GRIK2: variants seen among roughly 807,000 people sequenced by gnomAD.
The protein encoded by GRIK2 is glutamate ionotropic receptor kainate type subunit 2.
GRIK2 carries 32 observed loss-of-function variants against 100.3 expected under a neutral mutation model. The observed-to-expected ratio is 0.32, with a 90% confidence interval of 0.24 to 0.43. The LOEUF (loss-of-function observed/expected upper bound fraction) is 0.43, where lower values mean the gene tolerates loss of function less well. Ranked by LOEUF, GRIK2 falls within the 20% of genes least tolerant of loss-of-function variation. The pLI, the probability that GRIK2 is intolerant of heterozygous loss-of-function variation, is 1.00. For missense variants in GRIK2, 843 were observed against 1,114.9 expected, an observed-to-expected ratio of 0.76 and a Z score of 3.47; for synonymous variants, 417 against 389.4, an observed-to-expected ratio of 1.07 and a Z score of -0.83.
At chr6:101,556,333 T>C (rs1776743430) in intron 2 of GRIK2, among the ~76,000 whole-genome samples, 1 of 68,886 alleles carries the variant, frequency 1.5e-5, no homozygotes, top group East Asian at 4.5e-4. Flanking sequence ...TTTTTTTTTT[T>C]TTTTTTTTTT....
chr6:101,895,744 A>G (rs1432801454), intron 12 of GRIK2, among the ~76,000 whole-genome samples: 1 of 151,782 alleles, frequency 6.6e-6, no homozygotes, highest in Non-Finnish European at 1.5e-5. Context: ...AACTTTCCAT[A>G]ACATAACTTT....
intron 14 of GRIK2, among the ~76,000 whole-genome samples, chr6:101,938,540 C>T (rs1291742600): frequency 6.6e-6 from 1 of 152,082 alleles, no homozygotes; most frequent in Admixed American, 6.6e-5. Flanking sequence ...TCTGAAACAA[C>T]TTGAATCTTT....
chr6:101,912,810 T>C (rs896523702), intron 12 of GRIK2, among the ~76,000 whole-genome samples: 4 of 151,644 alleles, frequency 2.6e-5, no homozygotes, highest in Non-Finnish European at 5.9e-5. Flanking sequence ...ATGCATCTTA[T>C]GAGGTAGTGT....
chr6:101,596,399 A>C (rs190058569), intron 2 of GRIK2, among the ~76,000 whole-genome samples: 334 of 151,704 alleles, frequency 2.2e-3, no homozygotes, highest in African/African-American at 7.7e-3. Context: ...TTTTTTAACT[A>C]GGGTCTAGCA....
intron 10 of GRIK2, among the ~76,000 whole-genome samples, chr6:101,826,465 G>A (rs1782338694): frequency 6.6e-6 from 1 of 151,962 alleles, no homozygotes; most frequent in South Asian, 2.1e-4. Context: ...GATGATGAAT[G>A]ATACTCAAGT....
chr6:101,887,591 G>T (rs539475760), intron 11 of GRIK2, among the ~76,000 whole-genome samples: 11 of 152,114 alleles, frequency 7.2e-5, no homozygotes, highest in Non-Finnish European at 1.0e-4. Context: ...GGTAATTTAT[G>T]AAGAAAAGAG....
chr6:101,871,956 C>T (rs1343871502), intron 11 of GRIK2, among the ~76,000 whole-genome samples: 1 of 151,930 alleles, frequency 6.6e-6, no homozygotes, highest in Non-Finnish European at 1.5e-5. Context: ...CTAAAATGCT[C>T]TTCACAGCAG....
intron 12 of GRIK2, among the ~76,000 whole-genome samples, chr6:101,916,734 T>A (rs1582528893): frequency 6.6e-6 from 1 of 151,686 alleles, no homozygotes; most frequent in African/African-American, 2.4e-5. Context: ...AAGTCATTTG[T>A]TACAGTTCAG....
At chr6:101,438,266 C>G (rs1039637657) in intron 2 of GRIK2, among the ~76,000 whole-genome samples, 1 of 152,036 alleles carries the variant, frequency 6.6e-6, no homozygotes, top group East Asian at 1.9e-4. Flanking sequence ...ATTTGGTTAG[C>G]TCAAGGGAAG....
intron 15 of GRIK2, among the ~76,000 whole-genome samples, chr6:102,052,826 C>G (rs1250535140): frequency 6.6e-6 from 1 of 152,042 alleles, no homozygotes; most frequent in Non-Finnish European, 1.5e-5. Context: ...TGGCTCATGC[C>G]TGTAATCCCA....
At position 101,781,872 on chromosome 6, in the gene GRIK2, T is replaced by C. The variant is rs141517908; in HGVS notation, c.952-17776T>C. On this transcript the variant is annotated intron_variant, in intron 7 of 16. Coordinates refer to ENST00000369134, the MANE Select transcript of GRIK2 (RefSeq NM_021956.5). The stretch of plus-strand genomic sequence containing the variant: ...AAAATAAACAACAGAAATTTATTTC[T>C]CACAATTCTGGAGGTTGAAAGTCTG... Among the ~76,000 whole-genome samples, 34 of 152,136 alleles carry C rather than the reference T, an allele frequency of 2.2e-4. No individual in the cohort carries two copies. The East Asian group carries it at 6.6e-3, about 29-fold the overall frequency.
chr6:101,997,928 G>A lies in GRIK2; in HGVS notation c.2086-37413G>A, dbSNP rs71566389. On this transcript the variant is annotated intron_variant, in intron 14 of 16. Coordinates refer to ENST00000369134, the MANE Select transcript of GRIK2 (RefSeq NM_021956.5). The stretch of plus-strand genomic sequence containing the variant: ...ACTAAAAAAATCTGCTTTATTTTTA[G>A]CTTTCAGATTTATTGAGATAAAGTT... 3.1e-3 allele frequency among the ~76,000 whole-genome samples: 475 copies of A among 151,918 alleles called. 2 individuals are homozygous for A. The highest frequency in any genetic ancestry group is 4.9e-3 in the Non-Finnish European group (336 of 67,926).
At chr6:101,409,063 T>C (rs1775740331) in intron 2 of GRIK2, among the ~76,000 whole-genome samples, 1 of 151,894 alleles carries the variant, frequency 6.6e-6, no homozygotes, top group African/African-American at 2.4e-5. Context: ...TTCTCAATGT[T>C]TTATGTTTAG....
intron 2 of GRIK2, among the ~76,000 whole-genome samples, chr6:101,490,841 A>C (rs1193453710): frequency 1.4e-5 from 2 of 146,562 alleles, no homozygotes; most frequent in Non-Finnish European, 3.0e-5. Context: ...GTATTGTACT[A>C]AGTCCTTCAC....
At chr6:101,668,664 A>G (rs1770209453) in intron 4 of GRIK2, among the ~76,000 whole-genome samples, 1 of 152,202 alleles carries the variant, frequency 6.6e-6, no homozygotes, top group Admixed American at 6.6e-5. Context: ...CTGAGCTTGC[A>G]TAAAGACTGA....
intron 2 of GRIK2, among the ~76,000 whole-genome samples, chr6:101,400,338 C>T (rs1473333176): frequency 6.6e-6 from 1 of 152,154 alleles, no homozygotes; most frequent in East Asian, 1.9e-4. Flanking sequence ...AGAGTGATTG[C>T]TTGGAGAAAA....
intron 7 of GRIK2, among the ~76,000 whole-genome samples, chr6:101,766,908 G>A (rs1411877894): frequency 6.6e-6 from 1 of 152,196 alleles, no homozygotes; most frequent in African/African-American, 2.4e-5. Context: ...TGACACAGTA[G>A]ATAAGATGGC....
intron 2 of GRIK2, among the ~76,000 whole-genome samples, chr6:101,485,140 A>G (rs575104654): frequency 1.3e-5 from 2 of 152,352 alleles, no homozygotes; most frequent in South Asian, 2.1e-4. Flanking sequence ...TAAATCCTAT[A>G]TCTTACTCCA....
At chr6:101,720,493 G>A (rs1365602869) in intron 7 of GRIK2, among the ~76,000 whole-genome samples, 2 of 151,980 alleles carry the variant, frequency 1.3e-5, no homozygotes, top group Non-Finnish European at 1.5e-5. Flanking sequence ...AAATGTGTAA[G>A]TGTAGTATTG....
Sources: gnomAD v4.1 joint callset for allele counts (sites outside exome capture counted in the v4.1 genomes callset) on GRCh38, gnomAD v4.1.1 for gene constraint, MANE v1.5 for transcripts, NCBI Gene and HGNC (gene_info 2026-07-23, HGNC 2026-07-21) for gene names.